The following H2BC4 variants were observed in gnomAD, a reference collection of about 807,000 sequenced individuals.
The protein encoded by H2BC4 is histone H2B type 1-C/E/F/G/I.
Under a neutral mutation model 6.2 loss-of-function variants are expected in H2BC4, and 10 were observed. The observed-to-expected ratio is 1.61, with a 90% confidence interval of 0.99 to 2.73. The LOEUF is 2.73. H2BC4 is among the 30% of genes most tolerant of loss of function. The pLI, the probability that H2BC4 is intolerant of heterozygous loss-of-function variation, is 0.00. For missense variants in H2BC4, 176 were observed against 168.7 expected, an observed-to-expected ratio of 1.04 and a Z score of -0.24; for synonymous variants, 146 against 70.7, an observed-to-expected ratio of 2.07 and a Z score of -5.35.
At position 26,123,803 on chromosome 6, in the gene H2BC4, G is replaced by A. The variant is rs377374033; in HGVS notation, c.102C>T (p.Arg34=). 122 of 1,614,148 alleles carry A rather than the reference G, an allele frequency of 7.6e-5. No homozygotes were observed. Among genetic ancestry groups the A allele is most frequent in the Non-Finnish European group, 9.2e-5 (109 of 1,180,056 alleles). ...ACACGTACACAGAGTAACTCTCCTT[G>A]CGGCTGCGCTTGCGCTTCTTGCCAT... ...KKDGKKRKRS[R]KESYSVYVYK... Residue 34 remains arginine (R), a synonymous_variant, in exon 1 of 1, where the codon CGC becomes CGT. Transcript: ENST00000396984.
downstream of H2BC4, among the ~76,000 whole-genome samples, chr6:26,121,634 G>A (rs1763497913): frequency 6.6e-6 from 1 of 152,126 alleles, no homozygotes; most frequent in Non-Finnish European, 1.5e-5. Flanking sequence ...AAGGGGAAAA[G>A]GCGGGGAAAG....
rs754086710 is a variant in H2BC4 at position 26,123,894 on chromosome 6, G to A, written c.11C>T (p.Pro4Leu). The change falls in exon 1 of 1, where the codon CCA becomes CTA. Residue 4 changes from proline (P) to leucine (L), a missense_variant. By Grantham distance (98) the Pro-to-Leu change is moderately conservative. Transcript: ENST00000396984. ...CTTCGGGGCGGGAGCAGACTTGGCT[G>A]GCTCAGGCATCTTAAAACACCAGAA... MPEPAKSAPAPKKG... is the reference protein window; with the variant it reads MPELAKSAPAPKKG... 32 of 1,613,522 alleles carry A rather than the reference G, an allele frequency of 2.0e-5. No homozygotes were observed. The Middle Eastern group carries it at 4.9e-4, about 25-fold the overall frequency.
At chr6:26,120,005 A>T (rs1248005945), downstream of H2BC4, among the ~76,000 whole-genome samples, 1 of 152,144 alleles carries the variant, frequency 6.6e-6, no homozygotes, top group Non-Finnish European at 1.5e-5. Flanking sequence ...GAGGTAGCAC[A>T]TTTAAAGCAC....
downstream of H2BC4, among the ~76,000 whole-genome samples, chr6:26,123,197 C>G (rs1233852477): frequency 6.6e-6 from 1 of 152,230 alleles, no homozygotes; most frequent in Non-Finnish European, 1.5e-5. Flanking sequence ...TAGACAGGGA[C>G]AGACAGCTGG....
At chr6:26,114,608 A>G (rs1763396670), downstream of H2BC4, among the ~76,000 whole-genome samples, 1 of 152,098 alleles carries the variant, frequency 6.6e-6, no homozygotes, top group Non-Finnish European at 1.5e-5. Context: ...TTAGGAAATA[A>G]TATTTGAACA....
At chr6:26,113,880 T>G (rs1391804250), downstream of H2BC4, among the ~76,000 whole-genome samples, 2 of 151,900 alleles carry the variant, frequency 1.3e-5, no homozygotes, top group Non-Finnish European at 2.9e-5. Flanking sequence ...TTTTTTCTTT[T>G]AAATAAATTA....
At chr6:26,122,528 T>C (rs922837801), downstream of H2BC4, among the ~76,000 whole-genome samples, 6 of 152,160 alleles carry the variant, frequency 3.9e-5, no homozygotes, top group African/African-American at 4.8e-5. Flanking sequence ...CCTGCAGTTG[T>C]CTAGGAAGGG....
rs1424502095 is a variant in H2BC4, at chr6:26,123,728, G to T, written c.177C>A (p.Ala59=). The T allele has an allele frequency of 1.2e-6, 2 of 1,614,258 alleles. No homozygotes were observed. Among genetic ancestry groups the T allele is most frequent in the Non-Finnish European group, 8.5e-7 (1 of 1,180,042 alleles). ...TAACGAAAGAATTCATGATGCCCAT[G>T]GCCTTGGAAGAGATGCCAGTGTCGG... The part of the protein sequence containing the change: ...VHPDTGISSK[A]MGIMNSFVND... Residue 59 remains alanine, a synonymous_variant, in exon 1 of 1, where the codon GCC becomes GCA. Transcript: ENST00000396984.
downstream of H2BC4, among the ~76,000 whole-genome samples, chr6:26,123,092 C>T (rs1763528105): frequency 6.6e-6 from 1 of 152,122 alleles, no homozygotes; most frequent in Non-Finnish European, 1.5e-5. Context: ...ACAGCTTTCC[C>T]TCGATTGGTT....
At chr6:26,121,069 A>C (rs1335014432), downstream of H2BC4, among the ~76,000 whole-genome samples, 1 of 152,198 alleles carries the variant, frequency 6.6e-6, no homozygotes, top group African/African-American at 2.4e-5. Context: ...TTTGGACTCA[A>C]AAAAGACAAG....
chr6:26,123,625 C>T lies in H2BC4; in HGVS notation c.280G>A (p.Glu94Lys). 1 of 1,614,258 alleles carries T rather than the reference C, an allele frequency of 6.2e-7. No homozygotes were observed. The change falls in exon 1 of 1, where the codon GAG (glutamate) becomes AAG (lysine). Residue 94 changes from glutamate to lysine, a missense_variant. Glu to Lys is a moderately conservative substitution (Grantham distance 56). Coordinates refer to ENST00000396984, the MANE Select transcript of H2BC4 (RefSeq NM_003526.3). ...YNKRSTITSREIQTAVRLLLP... is the reference protein window; with the variant it reads ...YNKRSTITSRKIQTAVRLLLP... ...AGCAGGCGCACGGCCGTCTGGATCTCCCTGGAGGTGATGGTCGAGCGCTTG... is the reference window on the plus strand; with the variant it reads ...AGCAGGCGCACGGCCGTCTGGATCTTCCTGGAGGTGATGGTCGAGCGCTTG...
chr6:26,120,207 A>G (rs1207293342), downstream of H2BC4, among the ~76,000 whole-genome samples: 8 of 152,178 alleles, frequency 5.3e-5, no homozygotes, highest in East Asian at 1.5e-3. Flanking sequence ...TCACGCCTGT[A>G]ATCTCATCAC....
chr6:26,123,246 C>G (rs189927783), downstream of H2BC4: 25 of 508,342 alleles, frequency 4.9e-5, no homozygotes, highest in Non-Finnish European at 7.3e-5. Flanking sequence ...CTTCCGGGAA[C>G]GCCGAGTTAG....
At chr6:26,116,810 G>A (rs1485856649) in intron 1 of H2BC4, among the ~76,000 whole-genome samples, 13 of 152,150 alleles carry the variant, frequency 8.5e-5, no homozygotes, top group Admixed American at 8.5e-4. Context: ...TTGAGGATAT[G>A]TCAAACTGAT....
intron 1 of H2BC4, among the ~76,000 whole-genome samples, chr6:26,118,209 C>CA (rs5875087): frequency 6.6e-6 from 1 of 151,472 alleles, no homozygotes; most frequent in South Asian, 2.1e-4. Flanking sequence ...AGAAGTAGGG[C>CA]AAAAAAAAAA....
chr6:26,119,645 T>C (rs1401321468), downstream of H2BC4, among the ~76,000 whole-genome samples: 1 of 152,054 alleles, frequency 6.6e-6, no homozygotes, highest in Non-Finnish European at 1.5e-5. Flanking sequence ...CCAGTACAAC[T>C]AGTGGAAGAA....
At chr6:26,118,098 G>A (rs1345097861) in intron 1 of H2BC4, among the ~76,000 whole-genome samples, 2 of 152,146 alleles carry the variant, frequency 1.3e-5, no homozygotes, top group Non-Finnish European at 2.9e-5. Context: ...ATCTCATAAA[G>A]GAGCAAGTCT....
Position 26,123,874 on chromosome 6 carries a change from G to A in H2BC4, c.31C>T (p.Pro11Ser), listed in dbSNP as rs1561955878. 3 of 1,614,188 alleles carry A rather than the reference G, an allele frequency of 1.9e-6. No individual in the cohort carries two copies. The highest frequency in any genetic ancestry group is 1.6e-4 in the Middle Eastern group (1 of 6,062). Residue 11 changes from proline to serine, a missense_variant, in exon 1 of 1, where the codon CCG becomes TCG. By Grantham distance (74) the Pro-to-Ser change is moderately conservative. Coordinates refer to ENST00000396984, the MANE Select transcript of H2BC4 (RefSeq NM_003526.3). MPEPAKSAPA[P>S]KKGSKKAVTK... ...ACTGCCTTCTTGGAGCCCTTCTTCG[G>A]GGCGGGAGCAGACTTGGCTGGCTCA...
chr6:26,120,312 G>A (rs908067531), downstream of H2BC4, among the ~76,000 whole-genome samples: 1 of 152,086 alleles, frequency 6.6e-6, no homozygotes, highest in Non-Finnish European at 1.5e-5. Flanking sequence ...TTAGCCAGGC[G>A]TGGTGGTGCA....
Sources: allele counts gnomAD v4.1 joint callset (sites outside exome capture counted in the v4.1 genomes callset), GRCh38; gene constraint gnomAD v4.1.1; transcripts MANE v1.5; gene names NCBI Gene and HGNC (gene_info 2026-07-23, HGNC 2026-07-21).